The following TRRAP variants were observed in gnomAD, a reference collection of about 807,000 sequenced individuals.
The protein encoded by TRRAP is transformation/transcription domain-associated protein.
Under a neutral mutation model 438.8 loss-of-function variants are expected in TRRAP, and 41 were observed. The observed-to-expected ratio is 0.09, with a 90% CI of 0.07 to 0.12. TRRAP has a LOEUF of 0.12. Ranked by LOEUF, TRRAP falls within the 10% of genes least tolerant of loss-of-function variation. The pLI, the probability that TRRAP is intolerant of heterozygous loss-of-function variation, is 1.00. For missense variants in TRRAP, 3,122 were observed against 5,055.1 expected, an observed-to-expected ratio of 0.62 and a Z score of 11.60; for synonymous variants, 1,994 against 1,962.9, an observed-to-expected ratio of 1.02 and a Z score of -0.42.
chr7:98,954,443 A>T (rs1584355512), intron 40 of TRRAP, among the ~76,000 whole-genome samples: 1 of 152,066 alleles, frequency 6.6e-6, no homozygotes, highest in Non-Finnish European at 1.5e-5. Context: ...TGAACTCTGC[A>T]CCCCAATCAA....
chr7:98,934,629 G>A (rs148480729), intron 27 of TRRAP, among the ~76,000 whole-genome samples: 2 of 152,258 alleles, frequency 1.3e-5, no homozygotes, highest in African/African-American at 4.8e-5. Context: ...GCATGGACTC[G>A]AGTCCTTTCC....
intron 70 of TRRAP, among the ~76,000 whole-genome samples, chr7:99,010,245 T>C (rs1190375042): frequency 6.6e-6 from 1 of 152,244 alleles, no homozygotes; most frequent in Non-Finnish European, 1.5e-5. Context: ...CAGACTGTTG[T>C]AAGCCTTTAA....
At position 99,005,633 on chromosome 7, in the gene TRRAP, G is replaced by GT. The variant is rs1350520414; in HGVS notation, c.10753+287dup. 1.3e-5 allele frequency among the ~76,000 whole-genome samples: 2 copies of GT among 152,116 alleles called. No homozygotes were observed. Among genetic ancestry groups the GT allele is most frequent in the African/African-American group, 4.8e-5 (2 of 41,436 alleles). ...GGGGCCCACGATGCCTTTGAATGTG[G>GT]TTCGACACAAATTCGTCAACTTTCT... On this transcript the variant is annotated intron_variant, in intron 69 of 72. Transcript: ENST00000456197. The surrounding 1 kb of genome is among the most constrained non-coding windows in gnomAD (Gnocchi z 5.1).
intron 47 of TRRAP, among the ~76,000 whole-genome samples, chr7:98,963,771 GA>G: frequency 6.6e-6 from 1 of 152,152 alleles, no homozygotes. Flanking sequence ...GTTGATCCGT[GA>G]ATACAGATTT....
At chr7:98,992,055 A>T (rs966805253) in intron 64 of TRRAP, 82 bp from the exon 65 acceptor site, 39 of 1,483,104 alleles carry the variant, frequency 2.6e-5, no homozygotes, top group Non-Finnish European at 1.3e-5. Context: ...CTGACTTGAC[A>T]TTGGTTATTT....
intron 48 of TRRAP, among the ~76,000 whole-genome samples, chr7:98,965,123 C>G (rs566337216): frequency 6.6e-6 from 1 of 152,234 alleles, no homozygotes; most frequent in African/African-American, 2.4e-5. Flanking sequence ...GACTCTCTCT[C>G]ACGTGTGCAT....
chr7:98,880,262 G>GTTTTGTT lies in TRRAP; in HGVS notation c.-61-824_-61-823insGTTTTTT, dbSNP rs1554402830. Among the ~76,000 whole-genome samples the GTTTTGTT allele has an allele frequency of 2.1e-3, 280 of 132,092 alleles. 14 individuals are homozygous for GTTTTGTT. The highest frequency in any genetic ancestry group is 5.8e-3 in the Admixed American group (74 of 12,854). The allele number at this position is 132,092 out of a possible 152,430, so 86.7% of individuals were successfully genotyped here. ...CTGCCTGCGTTTTGTTGTTGTTGTT[G>GTTTTGTT]TTTTTTTTTTTTTTTTTCCGAGACT... On this transcript the variant is annotated intron_variant, in intron 1 of 72. Coordinates refer to ENST00000456197, the MANE Select transcript of TRRAP (RefSeq NM_001375524.1).
At chr7:98,974,883 T>TG (rs879613276) in intron 53 of TRRAP, among the ~76,000 whole-genome samples, 51 of 133,780 alleles carry the variant, frequency 3.8e-4, no homozygotes, top group Middle Eastern at 3.8e-3. Context: ...GCTGTGATGA[T>TG]GATTTTTTCA....
intron 7 of TRRAP, among the ~76,000 whole-genome samples, chr7:98,897,015 A>T (rs1279233072): frequency 6.6e-6 from 1 of 152,036 alleles, no homozygotes; most frequent in Non-Finnish European, 1.5e-5. Flanking sequence ...TGGGTGGATC[A>T]CCTGATGCTG....
intron 10 of TRRAP, 27 bp downstream of exon 10, chr7:98,899,794 A>C: frequency 6.2e-7 from 1 of 1,608,998 alleles, no homozygotes; most frequent in Non-Finnish European, 8.5e-7. Context: ...GCCGGCTGCC[A>C]CAGTGCCTGG....
At chr7:98,997,828 C>G (rs1278877796) in intron 67 of TRRAP, among the ~76,000 whole-genome samples, 1 of 152,184 alleles carries the variant, frequency 6.6e-6, no homozygotes, top group East Asian at 1.9e-4. Flanking sequence ...TAAATTCTTC[C>G]TGAGTCATTA....
In TRRAP at chr7:98,994,119, C is replaced by T. The variant is rs910210201; in HGVS notation, c.10047+382C>T. Reference sequence around the variant, plus strand: ...TGTGGGGTCTTTTCAGCAGTCAGACCACTTCCTTAATAACGTTGGCTTAAG... The same window carrying T: ...TGTGGGGTCTTTTCAGCAGTCAGACTACTTCCTTAATAACGTTGGCTTAAG... On this transcript the variant is annotated intron_variant, in intron 66 of 72. Coordinates refer to ENST00000456197, the MANE Select transcript of TRRAP (RefSeq NM_001375524.1). This position sits in a 1 kb window ranked among gnomAD's most constrained non-coding sequence, Gnocchi z 4.8. 1.3e-5 allele frequency among the ~76,000 whole-genome samples: 2 copies of T among 152,074 alleles called. No individual in the cohort carries two copies. The highest frequency in any genetic ancestry group is 2.4e-5 in the African/African-American group (1 of 41,402).
At chr7:98,917,983 A>G (rs78094966) in intron 20 of TRRAP, among the ~76,000 whole-genome samples, 6 of 151,970 alleles carry the variant, frequency 3.9e-5, no homozygotes, top group African/African-American at 1.4e-4. Context: ...TTAGCCAAGC[A>G]TGGTGGCCGA....
In TRRAP at chr7:98,984,334, C is replaced by T; in HGVS notation, c.9264C>T (p.Val3088=). ...QVKCYLQLAG[V]MGKNECMQGL... The stretch of plus-strand genomic sequence containing the variant: ...AATGCTACCTCCAGCTGGCAGGCGT[C>T]ATGGGCAAAAACGAGTGCATGCAGG... Residue 3088 remains valine (V), a synonymous_variant, in exon 61 of 73, where the codon GTC becomes GTT. Transcript: ENST00000456197. 6.3e-7 allele frequency: 1 copy of T among 1,591,196 alleles called. No homozygotes were observed. Among genetic ancestry groups the T allele is most frequent in the Non-Finnish European group, 8.6e-7 (1 of 1,167,556 alleles).
At chr7:98,962,164 C>G (rs918771063) in intron 46 of TRRAP, 138 bp from the exon 47 acceptor site, 2 of 1,290,012 alleles carry the variant, frequency 1.6e-6, no homozygotes, top group East Asian at 4.7e-5. Flanking sequence ...AGAGGTGAGG[C>G]CCACACTGTC....
chr7:98,980,300 G>T (rs1792855574), intron 58 of TRRAP, among the ~76,000 whole-genome samples: 1 of 152,118 alleles, frequency 6.6e-6, no homozygotes, highest in Non-Finnish European at 1.5e-5. Context: ...GTTATTTATT[G>T]TTTTCCAAAG....
chr7:98,995,247 G>A (rs1480616119), intron 67 of TRRAP, among the ~76,000 whole-genome samples: 1 of 152,070 alleles, frequency 6.6e-6, no homozygotes, highest in Non-Finnish European at 1.5e-5. Flanking sequence ...GATGGGGCCG[G>A]GTGAGCCGGT....
At position 98,961,424 on chromosome 7, in the gene TRRAP, C is replaced by T. The variant is rs145340454; in HGVS notation, c.6653C>T (p.Ala2218Val). Residue 2218 changes from alanine to valine, a missense_variant, in exon 46 of 73, where the codon GCC becomes GTC. Physicochemically the swap from Ala to Val is moderately conservative, Grantham distance 64 (BLOSUM62 0). Coordinates refer to ENST00000456197, the MANE Select transcript of TRRAP (RefSeq NM_001375524.1). ...TGTGGAAACACCAAGGTGTTGCGAG[C>T]CGTCCACAGCCTTCTCTCGCGCCTG... ...MTCGNTKVLR[A>V]VHSLLSRLMS... The T allele has an allele frequency of 1.9e-5, 31 of 1,614,234 alleles. No homozygotes were observed. In the African/African-American group the frequency reaches 3.5e-4, roughly 18 times the overall value.
intron 29 of TRRAP, 94 bp downstream of exon 29, chr7:98,937,371 A>T: frequency 1.3e-6 from 2 of 1,506,022 alleles, no homozygotes; most frequent in African/African-American, 2.8e-5. Flanking sequence ...ATTGCTATAT[A>T]AACAGTGTAT....
Sources: allele counts gnomAD v4.1 joint callset (sites outside exome capture counted in the v4.1 genomes callset), GRCh38; gene constraint gnomAD v4.1.1; non-coding constraint Gnocchi (gnomAD v3.1); transcripts MANE v1.5; gene names NCBI Gene and HGNC (gene_info 2026-07-23, HGNC 2026-07-21).